The following NAV2 variants were observed in gnomAD, a reference collection of about 807,000 sequenced individuals.
NAV2 encodes the protein neuron navigator 2, also known as helicase, APC down-regulated 1.
In NAV2, 54 loss-of-function variants were observed where a neutral mutation model predicts 223.2. The ratio of observed to expected loss-of-function variants is 0.24; its 90% CI spans 0.19 to 0.30. The LOEUF is 0.30. NAV2 is among the 10% of genes least tolerant of loss of function. The pLI, the probability that NAV2 is intolerant of heterozygous loss-of-function variation, is 1.00. For synonymous variants in NAV2, 1,279 were observed against 1,239.3 expected (o/e 1.03, Z -0.67); for missense variants, 2,806 against 3,147.5 (o/e 0.89, Z 2.60).
intron 1 of NAV2, among the ~76,000 whole-genome samples, chr11:19,728,650 T>G (rs1334832586): frequency 6.6e-6 from 1 of 152,236 alleles, no homozygotes; most frequent in Non-Finnish European, 1.5e-5. Context: ...AGGGCTGCTC[T>G]CAGCACTAAA....
intron 1 of NAV2, among the ~76,000 whole-genome samples, chr11:19,467,026 G>GAGAGAGAGAGAGAT (rs1554941029): frequency 8.9e-6 from 1 of 112,524 alleles, no homozygotes; most frequent in African/African-American, 3.0e-5. Context: ...CACAGAGAGA[G>GAGAGAGAGAGAGAT]AGAGAGAGAG....
intron 6 of NAV2, among the ~76,000 whole-genome samples, chr11:19,916,312 C>T (rs1455514523): frequency 1.3e-5 from 2 of 152,156 alleles, no homozygotes; most frequent in Admixed American, 6.5e-5. Context: ...TTCAGCAATG[C>T]AGCCCAAAGC....
chr11:19,990,998 A>G (rs1341354863), intron 11 of NAV2, among the ~76,000 whole-genome samples: 1 of 152,098 alleles, frequency 6.6e-6, no homozygotes, highest in Non-Finnish European at 1.5e-5. Flanking sequence ...AACTGCCCTG[A>G]GTTTAGGTTT....
chr11:19,977,997 T>G (rs1310487854), intron 10 of NAV2, among the ~76,000 whole-genome samples: 5 of 146,890 alleles, frequency 3.4e-5, no homozygotes, highest in South Asian at 2.2e-4. Context: ...TTTTTTTTGG[T>G]TTTTTTTAGT....
At chr11:19,445,044 C>T (rs1235431017) in intron 1 of NAV2, among the ~76,000 whole-genome samples, 1 of 152,192 alleles carries the variant, frequency 6.6e-6, no homozygotes, top group Admixed American at 6.5e-5. Flanking sequence ...CCATCTTCAT[C>T]ATCACCACCA....
chr11:19,390,102 G>A (rs1849190421), intron 1 of NAV2, among the ~76,000 whole-genome samples: 1 of 152,190 alleles, frequency 6.6e-6, no homozygotes, highest in Non-Finnish European at 1.5e-5. Flanking sequence ...TGTGAAGCCT[G>A]ATTGCATGAT....
upstream of NAV2, among the ~76,000 whole-genome samples, chr11:19,709,546 C>CAA (rs3043492): frequency 3.2e-4 from 20 of 63,126 alleles, no homozygotes; most frequent in African/African-American, 1.1e-3. Flanking sequence ...GACTCCGTCT[C>CAA]AAAAAAAAAA....
intron 1 of NAV2, among the ~76,000 whole-genome samples, chr11:19,600,428 C>G (rs941748148): frequency 2.6e-5 from 4 of 152,232 alleles, no homozygotes; most frequent in African/African-American, 9.6e-5. Context: ...ATTGTGTGCA[C>G]TGGATAAAAT....
At chr11:19,535,760 A>G (rs1156754859) in intron 1 of NAV2, among the ~76,000 whole-genome samples, 5 of 152,080 alleles carry the variant, frequency 3.3e-5, no homozygotes, top group Non-Finnish European at 1.5e-5. Flanking sequence ...GGGGTTTGAG[A>G]ATTAAAGTTC....
At chr11:19,811,188 C>T (rs1347951357) in intron 1 of NAV2, among the ~76,000 whole-genome samples, 1 of 152,176 alleles carries the variant, frequency 6.6e-6, no homozygotes, top group Admixed American at 6.5e-5. Context: ...CGGCTGACAT[C>T]AGAATCCACA....
chr11:20,056,120 C>T (rs2058348918), intron 19 of NAV2, among the ~76,000 whole-genome samples, 163 bp downstream of exon 19: 1 of 152,196 alleles, frequency 6.6e-6, no homozygotes, highest in Admixed American at 6.5e-5. Flanking sequence ...GTGGGGATCT[C>T]TGAAGAGTAA....
intron 1 of NAV2, among the ~76,000 whole-genome samples, chr11:19,529,465 GTGTCAGT>G (rs1224025177): frequency 2.6e-5 from 4 of 152,208 alleles, no homozygotes; most frequent in African/African-American, 4.8e-5. Flanking sequence ...CCCAATTACA[GTGTCAGT>G]TGAGACCCGC....
chr11:19,535,404 C>G (rs1378859423), intron 1 of NAV2, among the ~76,000 whole-genome samples: 1 of 152,156 alleles, frequency 6.6e-6, no homozygotes, highest in Non-Finnish European at 1.5e-5. Context: ...ACAGCTCAGC[C>G]TGACCTGGGT....
chr11:19,934,905 A>T (rs2045710574), intron 7 of NAV2, among the ~76,000 whole-genome samples: 1 of 152,102 alleles, frequency 6.6e-6, no homozygotes, highest in East Asian at 1.9e-4. Flanking sequence ...TTCTGTCTTT[A>T]TCTGTCCCCT....
chr11:19,867,496 A>C (rs1168381661), intron 3 of NAV2, among the ~76,000 whole-genome samples: 1 of 152,202 alleles, frequency 6.6e-6, no homozygotes, highest in African/African-American at 2.4e-5. Flanking sequence ...TGAAAAGAAA[A>C]CTCACCTTTC....
chr11:19,740,905 T>C (rs1232524931), intron 1 of NAV2, among the ~76,000 whole-genome samples: 1 of 152,190 alleles, frequency 6.6e-6, no homozygotes, highest in African/African-American at 2.4e-5. Flanking sequence ...ACCCAGGTAT[T>C]ATGGTCTTAG....
intron 12 of NAV2, among the ~76,000 whole-genome samples, chr11:20,037,722 A>G (rs139176089): frequency 7.7e-4 from 118 of 152,346 alleles, no homozygotes; most frequent in Middle Eastern, 3.4e-3. Context: ...AAAACCAAAC[A>G]AACAAAACCT....
At chr11:19,553,761 C>T (rs1036249346) in intron 1 of NAV2, among the ~76,000 whole-genome samples, 1 of 152,246 alleles carries the variant, frequency 6.6e-6, no homozygotes, top group African/African-American at 2.4e-5. Flanking sequence ...TCTGGCCATT[C>T]CCTTTCTGGG....
At chr11:19,748,404 G>A (rs1408413806) in intron 1 of NAV2, among the ~76,000 whole-genome samples, 1 of 152,196 alleles carries the variant, frequency 6.6e-6, no homozygotes, top group African/African-American at 2.4e-5. Flanking sequence ...AAGAAATGTA[G>A]CCAGGCCACT....
Sources: gnomAD v4.1 joint callset for allele counts (sites outside exome capture counted in the v4.1 genomes callset) on GRCh38, gnomAD v4.1.1 for gene constraint, MANE v1.5 for transcripts, NCBI Gene and HGNC (gene_info 2026-07-23, HGNC 2026-07-21) for gene names.